Variants in CYB5D2 observed in about 807,000 individuals in gnomAD.
The protein encoded by CYB5D2 is neuferricin.
In CYB5D2, 23 loss-of-function variants were observed where a neutral mutation model predicts 22.8. The ratio of observed to expected loss-of-function variants is 1.01; its 90% CI spans 0.73 to 1.43. The LOEUF is 1.43. CYB5D2 is among the 40% of genes most tolerant of loss of function. The pLI is 0.00. For synonymous variants in CYB5D2, 170 were observed against 152.2 expected, an observed-to-expected ratio of 1.12 and a Z score of -0.86; for missense variants, 373 against 357.2, an observed-to-expected ratio of 1.04 and a Z score of -0.36.
chr17:4,154,836 G>T lies in CYB5D2; in HGVS notation c.554G>T (p.Ser185Ile). 6.2e-7 allele frequency: 1 copy of T among 1,613,792 alleles called. No homozygotes were observed. Reference protein sequence around the residue: ...CNAEWSSARGSRLWCSQKSGG... With the variant: ...CNAEWSSARGIRLWCSQKSGG... The stretch of plus-strand genomic sequence containing the variant: ...GCGGAGTGGAGCTCAGCCAGGGGCA[G>T]CCGGCTCTGGTGCTCCCAGAAGAGG... Residue 185 changes from serine to isoleucine, a missense_variant, in exon 3 of 4, where the codon AGC becomes ATC. Coordinates refer to ENST00000301391, the MANE Select transcript of CYB5D2 (RefSeq NM_144611.4).
At chr17:4,155,531 GCTC>G (rs1305953260) in intron 3 of CYB5D2, among the ~76,000 whole-genome samples, 5 of 152,208 alleles carry the variant, frequency 3.3e-5, no homozygotes, top group African/African-American at 1.2e-4. Flanking sequence ...AGGAAGGAAA[GCTC>G]CTTCTTTCCT....
Position 4,146,130 on chromosome 17 carries a change from C to T in CYB5D2, c.250+2125C>T, listed in dbSNP as rs1160149574. Among the ~76,000 whole-genome samples, 3 of 152,140 alleles carry T rather than the reference C, an allele frequency of 2.0e-5. No individual in the cohort carries two copies. The South Asian group carries it at 6.2e-4, about 31-fold the overall frequency. On this transcript the variant is annotated intron_variant, in intron 1 of 3. Transcript: ENST00000301391. Reference sequence around the variant, plus strand: ...TTTTATTTTTCGAGATAAACTGGTTCTTTAGCCCAGGCTGGAGTGCGGTGG... The same window carrying T: ...TTTTATTTTTCGAGATAAACTGGTTTTTTAGCCCAGGCTGGAGTGCGGTGG...
At chr17:4,145,354 TGA>T (rs1260248838) in intron 1 of CYB5D2, among the ~76,000 whole-genome samples, 2 of 152,328 alleles carry the variant, frequency 1.3e-5, no homozygotes, top group African/African-American at 4.8e-5. Context: ...GCAAATCCCC[TGA>T]GATAGTCCAG....
intron 2 of CYB5D2, among the ~76,000 whole-genome samples, chr17:4,153,615 C>T (rs2059081321): frequency 6.6e-6 from 1 of 152,126 alleles, no homozygotes. Flanking sequence ...ATGAGCTGAC[C>T]AGAGAGCAGT....
At position 4,157,134 on chromosome 17, in the gene CYB5D2, G is replaced by A; in HGVS notation, c.*52G>A. 6.3e-7 allele frequency: 1 copy of A among 1,585,584 alleles called. No homozygotes were observed. The highest frequency in any genetic ancestry group is 8.6e-7 in the Non-Finnish European group (1 of 1,163,210). ...ACAGAGAGCTCTGCCAAGCACCTGA[G>A]TAGGCCCTTGACACTTGTGTGCCCT... On this transcript the variant is annotated 3_prime_UTR_variant, in exon 4 of 4. Transcript: ENST00000301391. This position sits in a 1 kb window ranked among gnomAD's most constrained non-coding sequence, Gnocchi z 4.4.
In CYB5D2 at chr17:4,143,964, G is replaced by A; in HGVS notation, c.209G>A (p.Arg70Gln). ...CGTGTCTACGATGTGTCCTCCGGCC[G>A]GAGGCACTACGAGCCTGGGTCCCAC... ...LGRVYDVSSG[R>Q]RHYEPGSHYS... The change falls in exon 1 of 4, where the codon CGG (arginine) becomes CAG (glutamine). Residue 70 changes from arginine to glutamine, a missense_variant. Arg to Gln is a conservative substitution (Grantham distance 43). Coordinates refer to ENST00000301391, the MANE Select transcript of CYB5D2 (RefSeq NM_144611.4). The A allele has an allele frequency of 6.2e-7, 1 of 1,612,506 alleles. No homozygotes were observed. Among genetic ancestry groups the A allele is most frequent in the Non-Finnish European group, 8.5e-7 (1 of 1,179,744 alleles).
rs911013406 is a variant in CYB5D2 at position 4,154,083 on chromosome 17, T to G, written c.392-591T>G. The stretch of plus-strand genomic sequence containing the variant: ...GCTGAGAGAACTGACCTGTTTTTCC[T>G]TCTGGCCTATAGGCTGGTGGACCAC... On this transcript the variant is annotated intron_variant, in intron 2 of 3. Transcript: ENST00000301391. Among the ~76,000 whole-genome samples the G allele has an allele frequency of 6.1e-4, 93 of 152,202 alleles. 4 individuals carry two copies.
intron 1 of CYB5D2, among the ~76,000 whole-genome samples, chr17:4,148,252 C>T (rs1460745617): frequency 6.6e-6 from 1 of 151,982 alleles, no homozygotes; most frequent in East Asian, 1.9e-4. Flanking sequence ...CATGGTGGCT[C>T]ACGCCTCTAA....
chr17:4,144,092 A>T, intron 1 of CYB5D2, 87 bp downstream of exon 1: 1 of 1,487,686 alleles, frequency 6.7e-7, no homozygotes, highest in Non-Finnish European at 8.9e-7. Flanking sequence ...TTATTCATCT[A>T]TTTCCCCCCC....
intron 1 of CYB5D2, among the ~76,000 whole-genome samples, chr17:4,145,334 A>G (rs935823887): frequency 2.0e-5 from 3 of 152,222 alleles, no homozygotes; most frequent in African/African-American, 7.2e-5. Context: ...AATGAAGTCC[A>G]GTTGGTCTCG....
At chr17:4,149,313 G>A (rs2059027746) in intron 1 of CYB5D2, among the ~76,000 whole-genome samples, 1 of 152,190 alleles carries the variant, frequency 6.6e-6, no homozygotes, top group Non-Finnish European at 1.5e-5. Context: ...AGACAGTGAG[G>A]AGCTGGAGAA....
chr17:4,144,763 CAG>C (rs2058963938), intron 1 of CYB5D2, among the ~76,000 whole-genome samples: 1 of 152,064 alleles, frequency 6.6e-6, no homozygotes. Flanking sequence ...TGAATACTGA[CAG>C]AATATGGACT....
In CYB5D2 at chr17:4,157,145, A is replaced by G. The variant is rs2059121704; in HGVS notation, c.*63A>G. On this transcript the variant is annotated 3_prime_UTR_variant, in exon 4 of 4. Coordinates refer to ENST00000301391, the MANE Select transcript of CYB5D2 (RefSeq NM_144611.4). This position sits in a 1 kb window ranked among gnomAD's most constrained non-coding sequence, Gnocchi z 4.4. ...TGCCAAGCACCTGAGTAGGCCCTTGACACTTGTGTGCCCTGGGATGCCTCC... is the reference window on the plus strand; with the variant it reads ...TGCCAAGCACCTGAGTAGGCCCTTGGCACTTGTGTGCCCTGGGATGCCTCC... 6.4e-7 allele frequency: 1 copy of G among 1,558,886 alleles called. No homozygotes were observed. The highest frequency in any genetic ancestry group is 8.7e-7 in the Non-Finnish European group (1 of 1,142,906).
At chr17:4,151,171 TAA>T (rs2059053419) in intron 2 of CYB5D2, 1 of 152,214 alleles carries the variant, frequency 6.6e-6, no homozygotes, top group Non-Finnish European at 1.5e-5. Flanking sequence ...TCATAATATC[TAA>T]AGTTTGTGTC....
chr17:4,157,193 G>A lies in CYB5D2; in HGVS notation c.*111G>A. ...TCCTGGCGCGAATCAGGAGGGTCTG[G>A]AAGGACTCTGGCTATATTCTGCAAA... is the stretch of plus-strand genomic sequence containing the variant. On this transcript the variant is annotated 3_prime_UTR_variant, in exon 4 of 4. Transcript: ENST00000301391. This position sits in a 1 kb window ranked among gnomAD's most constrained non-coding sequence, Gnocchi z 4.4. 1 of 1,206,142 alleles carries A rather than the reference G, an allele frequency of 8.3e-7. No individual in the cohort carries two copies. Among genetic ancestry groups the A allele is most frequent in the Non-Finnish European group, 1.2e-6 (1 of 856,656 alleles). 74.7% of individuals were successfully genotyped at this position (1,206,142 alleles called of 1,614,324 possible). A position where few individuals can be genotyped will look rare whatever the true frequency, so the allele number is the denominator to read the frequency against.
intron 2 of CYB5D2, among the ~76,000 whole-genome samples, chr17:4,153,188 T>G (rs2059076504): frequency 6.6e-6 from 1 of 152,042 alleles, no homozygotes; most frequent in African/African-American, 2.4e-5. Context: ...TGTAATACGT[T>G]TGGGAGCTTT....
At position 4,143,970 on chromosome 17, in the gene CYB5D2, A is replaced by C. The variant is rs754524643; in HGVS notation, c.215A>C (p.His72Pro). The C allele has an allele frequency of 5.0e-6, 8 of 1,611,908 alleles. No individual in the cohort carries two copies. The East Asian group carries it at 1.8e-4, about 36-fold the overall frequency. The change falls in exon 1 of 4, where the codon CAC becomes CCC. Residue 72 changes from histidine (H) to proline (P), a missense_variant. Transcript: ENST00000301391. The part of the protein sequence containing the change: ...RVYDVSSGRR[H>P]YEPGSHYSGF... ...TACGATGTGTCCTCCGGCCGGAGGC[A>C]CTACGAGCCTGGGTCCCACTATAGC...
chr17:4,144,032 C>G (rs752423749), intron 1 of CYB5D2, 27 bp downstream of exon 1: 4 of 1,559,818 alleles, frequency 2.6e-6, no homozygotes, highest in African/African-American at 1.4e-5. Context: ...TCACGCCTTT[C>G]TCTCCGCTGG....
At position 4,157,186 on chromosome 17, in the gene CYB5D2, G is replaced by C. The variant is rs1433875893; in HGVS notation, c.*104G>C. On this transcript the variant is annotated 3_prime_UTR_variant, in exon 4 of 4. Transcript: ENST00000301391. The surrounding 1 kb of genome is among the most constrained non-coding windows in gnomAD (Gnocchi z 4.4). ...GGATGCCTCCTGGCGCGAATCAGGA[G>C]GGTCTGGAAGGACTCTGGCTATATT... The C allele has an allele frequency of 2.6e-5, 34 of 1,295,618 alleles. No individual in the cohort carries two copies. Among genetic ancestry groups the C allele is most frequent in the Non-Finnish European group, 3.5e-5 (33 of 931,650 alleles). 80.3% of individuals were successfully genotyped at this position (1,295,618 alleles called of 1,614,324 possible).
Sources: allele counts gnomAD v4.1 joint callset (sites outside exome capture counted in the v4.1 genomes callset), GRCh38; gene constraint gnomAD v4.1.1; non-coding constraint Gnocchi (gnomAD v3.1); transcripts MANE v1.5; gene names NCBI Gene and HGNC (gene_info 2026-07-23, HGNC 2026-07-21).